The following NRXN3 variants were observed in gnomAD, a reference collection of about 807,000 sequenced individuals.
NRXN3 encodes the protein neurexin 3.
In NRXN3, 32 loss-of-function variants were observed where a neutral mutation model predicts 137.6. That is an observed-to-expected ratio of 0.23 (90% confidence interval 0.18 to 0.31). NRXN3 has a LOEUF of 0.31. Among genes scored for constraint, NRXN3 ranks in the 10% least tolerant of loss-of-function variants. NRXN3 has a pLI of 1.00. For synonymous variants in NRXN3, 798 were observed against 784.5 expected (o/e 1.02, Z -0.29); for missense variants, 1,574 against 2,062.5 (o/e 0.76, Z 4.59).
intron 15 of NRXN3, among the ~76,000 whole-genome samples, chr14:79,389,822 C>G (rs921659659): frequency 1.3e-5 from 2 of 152,062 alleles, no homozygotes; most frequent in African/African-American, 4.8e-5. Context: ...AAAACTCTGA[C>G]TAGTACTAGT....
intron 16 of NRXN3, among the ~76,000 whole-genome samples, chr14:79,629,155 A>G (rs1249542330): frequency 1.3e-5 from 2 of 151,948 alleles, no homozygotes; most frequent in Non-Finnish European, 1.5e-5. Flanking sequence ...TAATTTTTAA[A>G]TGATCAAATT....
At position 79,623,304 on chromosome 14, in the gene NRXN3, AG is replaced by A. The variant is rs2098244895; in HGVS notation, c.3445-40472del. On this transcript the variant is annotated intron_variant, in intron 16 of 20. Transcript: ENST00000335750. ...CACTTTGTCTTACTCTATGTTTTCT[AG>A]GAACACATTTTGGGGTGGAAATGCC... Among the ~76,000 whole-genome samples, 4 of 152,194 alleles carry A rather than the reference AG, an allele frequency of 2.6e-5. No homozygotes were observed. In the South Asian group the frequency reaches 8.3e-4, roughly 32 times the overall value.
intron 19 of NRXN3, among the ~76,000 whole-genome samples, chr14:79,747,247 T>G (rs1423623129): frequency 6.6e-6 from 1 of 152,104 alleles, no homozygotes; most frequent in Non-Finnish European, 1.5e-5. Flanking sequence ...GACACTGTTT[T>G]CTGGAGCACT....
chr14:79,697,549 A>T, intron 18 of NRXN3, 81 bp from the exon 19 acceptor site: 3 of 1,434,496 alleles, frequency 2.1e-6, no homozygotes, highest in Non-Finnish European at 2.8e-6. Context: ...GCCTGTTATG[A>T]TGCCTGGTCC....
intron 16 of NRXN3, among the ~76,000 whole-genome samples, chr14:79,581,758 C>T (rs1196628879): frequency 6.6e-6 from 1 of 152,050 alleles, no homozygotes; most frequent in South Asian, 2.1e-4. Context: ...TGTATGTGAT[C>T]GTTTACGTGG....
At chr14:79,227,281 C>T (rs765846087) in intron 15 of NRXN3, among the ~76,000 whole-genome samples, 1 of 152,148 alleles carries the variant, frequency 6.6e-6, no homozygotes, top group Non-Finnish European at 1.5e-5. Flanking sequence ...CTGTTGGTGG[C>T]ATTGCCTTTG....
chr14:78,857,474 C>T (rs139512245), intron 10 of NRXN3, among the ~76,000 whole-genome samples: 32 of 152,158 alleles, frequency 2.1e-4, no homozygotes, highest in African/African-American at 5.1e-4. Flanking sequence ...TCTGTAATTA[C>T]CTTAAAGAAA....
intron 17 of NRXN3, among the ~76,000 whole-genome samples, chr14:79,669,850 C>T (rs1222259741): frequency 6.6e-6 from 1 of 151,988 alleles, no homozygotes; most frequent in African/African-American, 2.4e-5. Flanking sequence ...AACACTGGCC[C>T]AGGCATTTTT....
intron 4 of NRXN3, among the ~76,000 whole-genome samples, chr14:78,442,129 T>C (rs1363171771): frequency 2.0e-5 from 3 of 148,378 alleles, no homozygotes; most frequent in African/African-American, 5.0e-5. Context: ...GTTAGGTGAT[T>C]GTGGTGGTGC....
At chr14:78,322,704 T>G (rs1243809452) in intron 4 of NRXN3, among the ~76,000 whole-genome samples, 1 of 151,982 alleles carries the variant, frequency 6.6e-6, no homozygotes, top group African/African-American at 2.4e-5. Flanking sequence ...AAACCTTGGC[T>G]AGAACCCCAC....
chr14:78,699,109 G>A (rs1450747104), intron 6 of NRXN3, among the ~76,000 whole-genome samples: 2 of 152,012 alleles, frequency 1.3e-5, no homozygotes, highest in Non-Finnish European at 2.9e-5. Context: ...TCTACTGGAA[G>A]AAACAGACAA....
chr14:79,742,214 T>A (rs528657847), intron 19 of NRXN3, among the ~76,000 whole-genome samples: 2 of 152,208 alleles, frequency 1.3e-5, no homozygotes, highest in African/African-American at 4.8e-5. Flanking sequence ...ACCTCTAAAC[T>A]CAAATTTTCT....
intron 4 of NRXN3, among the ~76,000 whole-genome samples, chr14:78,625,335 C>G (rs927050715): frequency 2.6e-5 from 4 of 152,206 alleles, no homozygotes; most frequent in African/African-American, 9.6e-5. Flanking sequence ...CCCAACTCAC[C>G]ATACCCAAAA....
rs575369740 is a variant in NRXN3, at chr14:78,937,520, G to A, written c.2276-19722G>A. Among the ~76,000 whole-genome samples the A allele has an allele frequency of 2.2e-4, 33 of 152,250 alleles. No homozygotes were observed. In the South Asian group the frequency reaches 6.6e-3, roughly 31 times the overall value. ...TACCCTTCTTAATTGAACATTATAT[G>A]ATTTGGCTTCCCAAATTTGTGTTCT... is the stretch of plus-strand genomic sequence containing the variant. On this transcript the variant is annotated intron_variant, in intron 10 of 20. Transcript: ENST00000335750.
At chr14:79,002,348 T>C (rs2099543195) in intron 15 of NRXN3, among the ~76,000 whole-genome samples, 1 of 152,092 alleles carries the variant, frequency 6.6e-6, no homozygotes, top group South Asian at 2.1e-4. Context: ...TTAGGTATTT[T>C]TCCTAATGCT....
At chr14:79,767,760 G>T (rs1274032553) in intron 19 of NRXN3, among the ~76,000 whole-genome samples, 3 of 152,190 alleles carry the variant, frequency 2.0e-5, no homozygotes, top group Non-Finnish European at 4.4e-5. Context: ...AGAAATCAGG[G>T]GGGAGGAGCC....
intron 4 of NRXN3, among the ~76,000 whole-genome samples, chr14:78,468,984 G>A (rs952558783): frequency 5.3e-5 from 8 of 152,164 alleles, no homozygotes; most frequent in Admixed American, 3.9e-4. Flanking sequence ...TTTATATTAG[G>A]GGGCCTGGGG....
At chr14:79,432,489 T>C (rs1269588825) in intron 15 of NRXN3, among the ~76,000 whole-genome samples, 1 of 152,170 alleles carries the variant, frequency 6.6e-6, no homozygotes, top group African/African-American at 2.4e-5. Flanking sequence ...CTTCTGTTGG[T>C]ATTATTTTTA....
chr14:79,137,920 G>A (rs761174604), intron 15 of NRXN3, among the ~76,000 whole-genome samples: 3 of 152,050 alleles, frequency 2.0e-5, no homozygotes, highest in Non-Finnish European at 2.9e-5. Context: ...TGGCTTTGGC[G>A]TTTCATTGTC....
Sources: allele counts gnomAD v4.1 joint callset (sites outside exome capture counted in the v4.1 genomes callset), GRCh38; gene constraint gnomAD v4.1.1; transcripts MANE v1.5; gene names NCBI Gene and HGNC (gene_info 2026-07-23, HGNC 2026-07-21).